Variants in TMEM184B observed in about 807,000 individuals in gnomAD.
The protein encoded by TMEM184B is putative MAPK-activating protein FM08.
A neutral mutation model predicts 41.8 loss-of-function variants in TMEM184B; 17 were observed. The observed-to-expected ratio is 0.41, with a 90% CI of 0.28 to 0.61. The LOEUF (loss-of-function observed/expected upper bound fraction) is 0.61, where lower values mean the gene tolerates loss of function less well. Among genes scored for constraint, TMEM184B ranks in the 20% least tolerant of loss-of-function variants. The probability of loss-of-function intolerance (pLI) is 0.34; values close to 1 mark genes in which losing one functional copy is unlikely to be tolerated. For synonymous variants in TMEM184B, 240 were observed against 229.5 expected (o/e 1.05, Z -0.41); for missense variants, 393 against 557.8 (o/e 0.70, Z 2.98).
At chr22:38,247,033 G>T in intron 2 of TMEM184B, 1 of 389,302 alleles carries the variant, frequency 2.6e-6, no homozygotes. Context: ...CCTCTCCACT[G>T]GACCACCTTC....
intron 1 of TMEM184B, among the ~76,000 whole-genome samples, chr22:38,266,045 G>A (rs901209233): frequency 1.3e-5 from 2 of 152,170 alleles, no homozygotes; most frequent in Non-Finnish European, 2.9e-5. Flanking sequence ...TTGGAGTAGG[G>A]GGGCTGTCTG....
chr22:38,247,428 C>T (rs7284637), intron 2 of TMEM184B, among the ~76,000 whole-genome samples: 5,970 of 152,286 alleles, frequency 0.039, 374 homozygotes, highest in African/African-American at 0.13. Context: ...ACCTGCGCTG[C>T]ACTGGGCCCT....
At position 38,225,670 on chromosome 22, in the gene TMEM184B, G is replaced by A; in HGVS notation, c.618-77C>T. On this transcript the variant is annotated intron_variant, in intron 6 of 8. Transcript: ENST00000361906. This position sits in a 1 kb window ranked among gnomAD's most constrained non-coding sequence, Gnocchi z 4.4. ...GCTCTCCTCGACTGCACCACACACA[G>A]TCCCCATGGCTCTCAGCCCCACACC... 1 of 1,454,812 alleles carries A rather than the reference G, an allele frequency of 6.9e-7. No individual in the cohort carries two copies. Among genetic ancestry groups the A allele is most frequent in the South Asian group, 1.4e-5 (1 of 73,362 alleles). 90.1% of individuals were successfully genotyped at this position (1,454,812 alleles called of 1,614,324 possible). A position where few individuals can be genotyped will look rare whatever the true frequency, so the allele number is the denominator to read the frequency against.
Position 38,249,309 on chromosome 22 carries a change from T to C in TMEM184B, c.-58-1290A>G, listed in dbSNP as rs1391258286. Among the ~76,000 whole-genome samples, 47 of 152,292 alleles carry C rather than the reference T, an allele frequency of 3.1e-4. 1 individual carries two copies. Among genetic ancestry groups the C allele is most frequent in the Non-Finnish European group, 4.4e-5 (3 of 68,014 alleles). ...GATTACAGGCGTGCGTCATCAAGCC[T>C]GGCTAATTTTCTAATTTTTTGTAGA... On this transcript the variant is annotated intron_variant, in intron 1 of 8. Transcript: ENST00000361906.
chr22:38,219,819 T>A lies in TMEM184B; in HGVS notation c.*1650A>T. On this transcript the variant is annotated 3_prime_UTR_variant, in exon 9 of 9. Transcript: ENST00000361906. The stretch of plus-strand genomic sequence containing the variant: ...CCTCAGCCTGTGTCTGCACCCACCC[T>A]CCCGGGCAGCTTGGGCCCAACTGCT... 2 of 985,380 alleles carry A rather than the reference T, an allele frequency of 2.0e-6. No homozygotes were observed. The highest frequency in any genetic ancestry group is 2.4e-6 in the Non-Finnish European group (2 of 829,946). 61.0% of individuals were successfully genotyped at this position (985,380 alleles called of 1,614,324 possible).
At chr22:38,266,873 G>A (rs930638291) in intron 1 of TMEM184B, among the ~76,000 whole-genome samples, 15 of 152,298 alleles carry the variant, frequency 9.8e-5, no homozygotes, top group African/African-American at 3.6e-4. Context: ...CAAGAGGTCA[G>A]AAGATCGAGA....
chr22:38,241,900 A>AAAAAAAAAAAAAAAAAAAAAAAC (rs2091917415), intron 3 of TMEM184B, among the ~76,000 whole-genome samples: 2 of 150,006 alleles, frequency 1.3e-5, no homozygotes, highest in Non-Finnish European at 3.0e-5. Context: ...AAAAAAAAAA[A>AAAAAAAAAAAAAAAAAAAAAAAC]AAAAAAAGAA....
At position 38,220,123 on chromosome 22, in the gene TMEM184B, A is replaced by T. The variant is rs1325679956; in HGVS notation, c.*1346T>A. ...ATGCCAGGACACTTTGCCTGTAGGGACACGTGTTGTGACACGAGGCTCTTC... is the reference window on the plus strand; with the variant it reads ...ATGCCAGGACACTTTGCCTGTAGGGTCACGTGTTGTGACACGAGGCTCTTC... On this transcript the variant is annotated 3_prime_UTR_variant, in exon 9 of 9. Coordinates refer to ENST00000361906, the MANE Select transcript of TMEM184B (RefSeq NM_012264.5). 1 of 985,244 alleles carries T rather than the reference A, an allele frequency of 1.0e-6. No individual in the cohort carries two copies. The highest frequency in any genetic ancestry group is 1.2e-6 in the Non-Finnish European group (1 of 829,962). 61.0% of individuals were successfully genotyped at this position (985,244 alleles called of 1,614,324 possible).
chr22:38,244,037 C>G (rs1217505214), intron 3 of TMEM184B, among the ~76,000 whole-genome samples: 2 of 152,156 alleles, frequency 1.3e-5, no homozygotes, highest in Non-Finnish European at 2.9e-5. Context: ...CAGCACGTAT[C>G]AAGCCCTTGA....
chr22:38,272,681 G>A (rs2092543412), intron 1 of TMEM184B: 2 of 985,376 alleles, frequency 2.0e-6, no homozygotes, highest in Admixed American at 6.1e-5. Context: ...GACCTCGCGG[G>A]GCGGAGAGGA....
chr22:38,228,751 TTC>T (rs1405852984), intron 5 of TMEM184B, among the ~76,000 whole-genome samples: 1 of 152,190 alleles, frequency 6.6e-6, no homozygotes, highest in Non-Finnish European at 1.5e-5. Flanking sequence ...GCCTCTTTTG[TTC>T]TCTTTCTTCT....
At chr22:38,236,872 C>A (rs1456454711) in intron 3 of TMEM184B, among the ~76,000 whole-genome samples, 2 of 152,142 alleles carry the variant, frequency 1.3e-5, no homozygotes, top group African/African-American at 4.8e-5. Context: ...GGCTGGGTAA[C>A]CCCTCAGCAG....
chr22:38,272,512 TC>T, intron 1 of TMEM184B: 2 of 985,522 alleles, frequency 2.0e-6, no homozygotes, highest in South Asian at 9.4e-5. Context: ...GCCGTGCCAG[TC>T]GCCAGCACAC....
intron 1 of TMEM184B, among the ~76,000 whole-genome samples, chr22:38,262,464 C>A (rs935077019): frequency 6.6e-6 from 1 of 152,064 alleles, no homozygotes; most frequent in Non-Finnish European, 1.5e-5. Flanking sequence ...AGCAAAGGCA[C>A]GGAGGTGGGG....
intron 1 of TMEM184B, chr22:38,272,639 G>A (rs1201665290): frequency 1.7e-5 from 17 of 985,390 alleles, no homozygotes; most frequent in Non-Finnish European, 1.9e-5. Flanking sequence ...CCGCCACGTT[G>A]GCGTGGAAAG....
chr22:38,241,681 G>A (rs1008469302), intron 3 of TMEM184B, among the ~76,000 whole-genome samples: 2 of 151,674 alleles, frequency 1.3e-5, no homozygotes, highest in Non-Finnish European at 2.9e-5. Context: ...TCAGGAGATC[G>A]AGACCATCCT....
At position 38,225,685 on chromosome 22, in the gene TMEM184B, A is replaced by C; in HGVS notation, c.618-92T>G. 7.3e-7 allele frequency: 1 copy of C among 1,365,806 alleles called. No homozygotes were observed. The highest frequency in any genetic ancestry group is 9.7e-7 in the Non-Finnish European group (1 of 1,031,452). The allele number at this position is 1,365,806 out of a possible 1,614,324, so 84.6% of individuals were successfully genotyped here. ...ACCACACACAGTCCCCATGGCTCTC[A>C]GCCCCACACCTCCAGCAGAGCTCAA... On this transcript the variant is annotated intron_variant, in intron 6 of 8. Transcript: ENST00000361906. The surrounding 1 kb of genome is among the most constrained non-coding windows in gnomAD (Gnocchi z 4.4).
At chr22:38,255,304 G>A (rs895217471) in intron 1 of TMEM184B, among the ~76,000 whole-genome samples, 2 of 152,150 alleles carry the variant, frequency 1.3e-5, no homozygotes, top group Non-Finnish European at 2.9e-5. Flanking sequence ...GATTACAGGC[G>A]TGAGCCACCG....
intron 3 of TMEM184B, among the ~76,000 whole-genome samples, chr22:38,240,384 T>C (rs1461186038): frequency 6.6e-6 from 1 of 151,072 alleles, no homozygotes; most frequent in Non-Finnish European, 1.5e-5. Context: ...AAAGGTAAGA[T>C]TAAAAAAACA....
Sources: allele counts gnomAD v4.1 joint callset (sites outside exome capture counted in the v4.1 genomes callset), GRCh38; gene constraint gnomAD v4.1.1; non-coding constraint Gnocchi (gnomAD v3.1); transcripts MANE v1.5; gene names NCBI Gene and HGNC (gene_info 2026-07-23, HGNC 2026-07-21).